AIFM1: variants seen among roughly 807,000 people sequenced by gnomAD.
AIFM1 encodes the protein apoptosis-inducing factor 1, mitochondrial.
AIFM1 carries 3 observed loss-of-function variants against 51.7 expected under a neutral mutation model. That is an observed-to-expected ratio of 0.06 (90% CI 0.03 to 0.15). The LOEUF (loss-of-function observed/expected upper bound fraction) is 0.15. AIFM1 is among the 10% of genes least tolerant of loss of function. AIFM1 has a pLI of 1.00. For missense variants in AIFM1, 330 were observed against 476.8 expected (o/e 0.69, Z 2.87); for synonymous variants, 178 against 179.4 (o/e 0.99, Z 0.06).
chrX:130,164,489 C>T (rs1216520891), intron 1 of AIFM1, among the ~76,000 whole-genome samples: 1 of 112,373 alleles, frequency 8.9e-6, no homozygotes, highest in Non-Finnish European at 1.9e-5. Context: ...GTAAAAGCCT[C>T]AAGGATAACT....
intron 11 of AIFM1, 118 bp from the exon 12 acceptor site, chrX:130,136,303 T>G: frequency 6.0e-6 from 5 of 826,701 alleles, no homozygotes; most frequent in Middle Eastern, 4.3e-4. Flanking sequence ...TGGGTTAACT[T>G]ACCTCTGATA....
intron 14 of AIFM1, among the ~76,000 whole-genome samples, chrX:130,131,108 CAT>C (rs1265128154): frequency 9.0e-6 from 1 of 111,521 alleles, no homozygotes. Flanking sequence ...ATGAAAGAGA[CAT>C]GTGTGGGAGA....
In AIFM1 at chrX:130,130,690, C is replaced by G. The variant is rs774581777; in HGVS notation, c.1574-524G>C. 4.4e-5 allele frequency among the ~76,000 whole-genome samples: 5 copies of G among 112,575 alleles called. No individual in the cohort carries two copies. In the Admixed American group the frequency reaches 4.7e-4, roughly 11 times the overall value. ...TGGACAGAGCAGAGATGGAACATTT[C>G]CATCGCAGCAGAAAGTTCTATTGGA... is the stretch of plus-strand genomic sequence containing the variant. On this transcript the variant is annotated intron_variant, in intron 14 of 15. Transcript: ENST00000287295.
At chrX:130,158,594 G>T (rs2031244837) in intron 1 of AIFM1, among the ~76,000 whole-genome samples, 1 of 108,268 alleles carries the variant, frequency 9.2e-6, no homozygotes, top group African/African-American at 3.4e-5. Context: ...AGAACCATCT[G>T]TCTAGAGCAG....
chrX:130,141,719 C>T (rs2030585125), intron 6 of AIFM1, among the ~76,000 whole-genome samples: 2 of 111,886 alleles, frequency 1.8e-5, no homozygotes, highest in Non-Finnish European at 3.8e-5. Context: ...CTCCTGGCTA[C>T]TCCTCCTGAT....
At chrX:130,159,611 G>C (rs2031282717) in intron 1 of AIFM1, among the ~76,000 whole-genome samples, 1 of 110,325 alleles carries the variant, frequency 9.1e-6, no homozygotes, top group Admixed American at 9.7e-5. Flanking sequence ...AATTTTTTTT[G>C]TTTTTGTTTT....
Position 130,145,521 on chromosome X carries a change from A to T in AIFM1, c.654T>A (p.Pro218=). ...CAGCCACACCACCATTCTCAATATG[A>T]GGCAGGTCCTGAGCAGAGACATAGA... is the stretch of plus-strand genomic sequence containing the variant. The part of the protein sequence containing the change: ...PSFYVSAQDL[P]HIENGGVAVL... Residue 218 remains proline (P), a synonymous_variant, in exon 6 of 16, where the codon CCT becomes CCA. Transcript: ENST00000287295. 8.3e-7 allele frequency: 1 copy of T among 1,210,595 alleles called. No individual in the cohort carries two copies. The highest frequency in any genetic ancestry group is 1.1e-6 in the Non-Finnish European group (1 of 894,439).
At chrX:130,150,977 C>CAAAAAAAAAAAAAAAAAAA (rs759870161) in intron 2 of AIFM1, among the ~76,000 whole-genome samples, 7 of 27,799 alleles carry the variant, frequency 2.5e-4, no homozygotes, top group African/African-American at 8.9e-4. Context: ...GACTCTGTCT[C>CAAAAAAAAAAAAAAAAAAA]AAAAAAAAAA....
chrX:130,152,163 G>A (rs1285307298), intron 2 of AIFM1, among the ~76,000 whole-genome samples: 1 of 111,736 alleles, frequency 8.9e-6, no homozygotes, highest in African/African-American at 3.2e-5. Flanking sequence ...TACCTAAAAA[G>A]ATGGCTTACT....
chrX:130,143,223 T>C (rs1486663692), intron 6 of AIFM1, among the ~76,000 whole-genome samples: 1 of 111,922 alleles, frequency 8.9e-6, no homozygotes, highest in Non-Finnish European at 1.9e-5. Context: ...ATGCAGATGA[T>C]TCTCAGCTCT....
intron 13 of AIFM1, among the ~76,000 whole-genome samples, chrX:130,133,089 T>G (rs972021058): frequency 2.1e-4 from 24 of 111,847 alleles, no homozygotes; most frequent in African/African-American, 7.8e-4. Flanking sequence ...AAATAATTTT[T>G]TTCTCTTTTA....
intron 2 of AIFM1, among the ~76,000 whole-genome samples, chrX:130,153,378 G>A (rs1166931214): frequency 1.9e-5 from 2 of 105,101 alleles, no homozygotes; most frequent in Non-Finnish European, 3.9e-5. Context: ...AAAAAAAGTC[G>A]GCAGTTTACT....
chrX:130,158,896 G>C (rs1032839772), intron 1 of AIFM1, among the ~76,000 whole-genome samples: 1 of 110,773 alleles, frequency 9.0e-6, no homozygotes, highest in African/African-American at 3.3e-5. Context: ...TATACTTGCA[G>C]AGATTAGAGA....
At chrX:130,158,740 A>C (rs946165003) in intron 1 of AIFM1, among the ~76,000 whole-genome samples, 1 of 108,914 alleles carries the variant, frequency 9.2e-6, no homozygotes, top group African/African-American at 3.4e-5. Flanking sequence ...AAATCGCAAA[A>C]AAATCTCATA....
intron 2 of AIFM1, among the ~76,000 whole-genome samples, chrX:130,155,803 GA>G (rs2031143355): frequency 1.8e-5 from 2 of 111,419 alleles, no homozygotes; most frequent in South Asian, 7.4e-4. Context: ...GCCAAGTTAG[GA>G]AAAAAACACC....
chrX:130,137,397 C>T, intron 9 of AIFM1: 2 of 1,156,567 alleles, frequency 1.7e-6, no homozygotes, highest in East Asian at 3.3e-5. Flanking sequence ...GAACTGCTGG[C>T]CCCAGATTAA....
chrX:130,151,568 A>C (rs2030981207), intron 2 of AIFM1, among the ~76,000 whole-genome samples: 1 of 112,286 alleles, frequency 8.9e-6, no homozygotes, highest in Admixed American at 9.4e-5. Context: ...GTTGTGACAA[A>C]TGAAGTAGAA....
chrX:130,163,304 CAAAA>C (rs10708248), intron 1 of AIFM1, among the ~76,000 whole-genome samples: 1 of 66,842 alleles, frequency 1.5e-5, no homozygotes, highest in Non-Finnish European at 3.0e-5. Flanking sequence ...GACTCCGCCT[CAAAA>C]AAAAAAAAAA....
chrX:130,146,324 G>C lies in AIFM1; in HGVS notation c.606-755C>G, dbSNP rs190152115. Reference sequence around the variant, plus strand: ...AGGCACGTGGTGGTACGCACCTGTAGTCCTAGCTACTCGGGAGGCTGAGGT... The same window carrying C: ...AGGCACGTGGTGGTACGCACCTGTACTCCTAGCTACTCGGGAGGCTGAGGT... On this transcript the variant is annotated intron_variant, in intron 5 of 15. Transcript: ENST00000287295. Among the ~76,000 whole-genome samples, 490 of 109,164 alleles carry C rather than the reference G, an allele frequency of 4.5e-3. 3 individuals are homozygous for C. Among genetic ancestry groups the C allele is most frequent in the African/African-American group, 0.016 (468 of 29,917 alleles). 94.8% of individuals were successfully genotyped at this position (109,164 alleles called of 115,157 possible). A position where few individuals can be genotyped will look rare whatever the true frequency, so the allele number is the denominator to read the frequency against.
Sources: allele counts gnomAD v4.1 joint callset (sites outside exome capture counted in the v4.1 genomes callset), GRCh38; gene constraint gnomAD v4.1.1; transcripts MANE v1.5; gene names NCBI Gene and HGNC (gene_info 2026-07-23, HGNC 2026-07-21).